XYLT1: variants seen among roughly 807,000 people sequenced by gnomAD.
XYLT1 encodes beta-D-xylosyltransferase 1.
In XYLT1, 36 loss-of-function variants were observed where a neutral mutation model predicts 91.3. The observed-to-expected ratio is 0.39, with a 90% confidence interval of 0.30 to 0.52. XYLT1 has a LOEUF of 0.52. XYLT1 is among the 20% of genes least tolerant of loss of function. XYLT1 has a pLI of 0.68. For synonymous variants in XYLT1, 588 were observed against 532.0 expected (o/e 1.11, Z -1.45); for missense variants, 1,242 against 1,284.5 (o/e 0.97, Z 0.51).
rs984878166 is a variant in XYLT1 at position 17,241,807 on chromosome 16, A to G, written c.913+17181T>C. Among the ~76,000 whole-genome samples, 8 of 152,338 alleles carry G rather than the reference A, an allele frequency of 5.3e-5. No homozygotes were observed. In the South Asian group the frequency reaches 1.5e-3, roughly 28 times the overall value. On this transcript the variant is annotated intron_variant, in intron 3 of 11. Transcript: ENST00000261381. ...TGTCTTCTCCACATGCTGGAGTTGG[A>G]AGGTGATAGCAGCCAGGGAGCTCTC...
intron 3 of XYLT1, among the ~76,000 whole-genome samples, chr16:17,247,036 G>C (rs962102815): frequency 1.3e-5 from 2 of 152,204 alleles, no homozygotes; most frequent in African/African-American, 4.8e-5. Flanking sequence ...TGAATTCCTA[G>C]CCCTGGACTG....
intron 6 of XYLT1, among the ~76,000 whole-genome samples, chr16:17,143,789 A>G (rs1010160832): frequency 2.1e-4 from 18 of 84,662 alleles, no homozygotes; most frequent in Admixed American, 1.3e-3. Flanking sequence ...CGTCATCATC[A>G]CCATCATCAT....
chr16:17,204,447 G>A (rs894953029), intron 3 of XYLT1, among the ~76,000 whole-genome samples: 1 of 150,660 alleles, frequency 6.6e-6, no homozygotes, highest in Non-Finnish European at 1.5e-5. Context: ...AAAACCCAGA[G>A]CTCTTCTGAG....
chr16:17,448,359 CTCTG>C (rs1209969137), intron 1 of XYLT1, among the ~76,000 whole-genome samples: 1 of 152,170 alleles, frequency 6.6e-6, no homozygotes, highest in Non-Finnish European at 1.5e-5. Context: ...CAGAGCAAGA[CTCTG>C]TCTCAAAAAT....
chr16:17,109,778 TGGGTTG>T (rs1285589299), intron 11 of XYLT1, among the ~76,000 whole-genome samples: 1 of 152,212 alleles, frequency 6.6e-6, no homozygotes, highest in East Asian at 1.9e-4. Context: ...TGCTGACTCC[TGGGTTG>T]GAGAGTGACA....
At chr16:17,289,293 T>C (rs1028989460) in intron 2 of XYLT1, among the ~76,000 whole-genome samples, 1 of 152,246 alleles carries the variant, frequency 6.6e-6, no homozygotes, top group Admixed American at 6.5e-5. Context: ...TGCTACCTCC[T>C]GCTCTAGGTT....
intron 1 of XYLT1, among the ~76,000 whole-genome samples, chr16:17,428,571 T>C (rs183350055): frequency 5.3e-5 from 8 of 152,354 alleles, no homozygotes; most frequent in Non-Finnish European, 1.0e-4. Context: ...GTCATAATGA[T>C]GATCATCAAA....
At chr16:17,390,698 C>T (rs529950587) in intron 1 of XYLT1, among the ~76,000 whole-genome samples, 8 of 152,332 alleles carry the variant, frequency 5.3e-5, no homozygotes, top group African/African-American at 1.9e-4. Context: ...CAAAACTAAA[C>T]CACCTTTGTA....
intron 1 of XYLT1, among the ~76,000 whole-genome samples, chr16:17,443,187 G>C (rs2036552265): frequency 6.6e-6 from 1 of 152,160 alleles, no homozygotes; most frequent in Non-Finnish European, 1.5e-5. Flanking sequence ...GCATGTGCCT[G>C]ACAAATAGTA....
chr16:17,470,244 A>T (rs2036966323), intron 1 of XYLT1, among the ~76,000 whole-genome samples, 190 bp downstream of exon 1: 1 of 152,170 alleles, frequency 6.6e-6, no homozygotes, highest in African/African-American at 2.4e-5. Context: ...TCAGACTCTG[A>T]AAGGGGCAGC....
At chr16:17,381,708 T>A (rs1345518726) in intron 1 of XYLT1, among the ~76,000 whole-genome samples, 6 of 152,292 alleles carry the variant, frequency 3.9e-5, no homozygotes, top group African/African-American at 1.4e-4. Flanking sequence ...AATACAGGTG[T>A]GAGCCACTGT....
chr16:17,266,006 T>G (rs1263074524), intron 2 of XYLT1, among the ~76,000 whole-genome samples: 2 of 152,210 alleles, frequency 1.3e-5, no homozygotes, highest in African/African-American at 2.4e-5. Flanking sequence ...AATCAATATA[T>G]TCAATGAACA....
intron 2 of XYLT1, among the ~76,000 whole-genome samples, chr16:17,343,638 T>C (rs1397750800): frequency 6.6e-6 from 1 of 152,100 alleles, no homozygotes; most frequent in African/African-American, 2.4e-5. Context: ...ACGCAGATTA[T>C]GTTTTATTTT....
At chr16:17,135,275 C>T (rs1392286839) in intron 8 of XYLT1, among the ~76,000 whole-genome samples, 1 of 152,186 alleles carries the variant, frequency 6.6e-6, no homozygotes, top group Non-Finnish European at 1.5e-5. Flanking sequence ...CTAGGTTCTT[C>T]TGCTCACTGC....
intron 1 of XYLT1, among the ~76,000 whole-genome samples, chr16:17,453,458 C>A (rs1188412551): frequency 1.3e-5 from 2 of 152,164 alleles, no homozygotes; most frequent in Admixed American, 1.3e-4. Context: ...CTCTTCCAAC[C>A]CTGTCAGTGC....
chr16:17,131,254 T>A (rs567589249), intron 9 of XYLT1, among the ~76,000 whole-genome samples: 436 of 152,242 alleles, frequency 2.9e-3, no homozygotes, highest in Non-Finnish European at 5.3e-3. Context: ...TGATGCCTCA[T>A]CCTGACTGTA....
At chr16:17,393,181 G>C (rs35090210) in intron 1 of XYLT1, among the ~76,000 whole-genome samples, 1 of 152,094 alleles carries the variant, frequency 6.6e-6, no homozygotes, top group African/African-American at 2.4e-5. Flanking sequence ...CCTCTAAACT[G>C]ATTGAGGCCT....
intron 8 of XYLT1, 41 bp downstream of exon 8, chr16:17,138,314 G>GGCATCAC: frequency 6.3e-7 from 1 of 1,596,356 alleles, no homozygotes; most frequent in South Asian, 1.1e-5. Context: ...TTGTTGGGAA[G>GGCATCAC]GCATCACTTA....
intron 2 of XYLT1, among the ~76,000 whole-genome samples, chr16:17,316,739 G>T (rs2034638143): frequency 6.6e-6 from 1 of 151,598 alleles, no homozygotes; most frequent in South Asian, 2.1e-4. Flanking sequence ...CTGCTTGGCT[G>T]GCTCAGACAG....
Sources: allele counts gnomAD v4.1 joint callset (sites outside exome capture counted in the v4.1 genomes callset), GRCh38; gene constraint gnomAD v4.1.1; transcripts MANE v1.5; gene names NCBI Gene and HGNC (gene_info 2026-07-23, HGNC 2026-07-21).